MAML2: variants seen among roughly 807,000 people sequenced by gnomAD.
MAML2 encodes mastermind like transcriptional coactivator 2.
A neutral mutation model predicts 96.1 loss-of-function variants in MAML2; 22 were observed. The ratio of observed to expected loss-of-function variants is 0.23; its 90% confidence interval spans 0.16 to 0.33. MAML2 has a LOEUF of 0.33. Ranked by LOEUF, MAML2 falls within the 10% of genes least tolerant of loss-of-function variation. MAML2 has a pLI of 1.00. For synonymous variants in MAML2, 561 were observed against 521.3 expected (o/e 1.08, Z -1.04); for missense variants, 1,367 against 1,392.4 (o/e 0.98, Z 0.29).
intron 1 of MAML2, among the ~76,000 whole-genome samples, chr11:96,226,440 G>A (rs1216052267): frequency 6.6e-6 from 1 of 152,130 alleles, no homozygotes; most frequent in African/African-American, 2.4e-5. Flanking sequence ...CAGGCATGAA[G>A]GACAGTGACA....
At chr11:96,059,192 C>T (rs1257076439) in intron 2 of MAML2, among the ~76,000 whole-genome samples, 2 of 152,172 alleles carry the variant, frequency 1.3e-5, no homozygotes, top group African/African-American at 4.8e-5. Context: ...TAGCTTGGTT[C>T]TCTTTGTCAC....
At chr11:96,298,524 G>GA (rs1211811571) in intron 1 of MAML2, among the ~76,000 whole-genome samples, 1 of 152,136 alleles carries the variant, frequency 6.6e-6, no homozygotes, top group Non-Finnish European at 1.5e-5. Context: ...TTCTTTGTGA[G>GA]GTACATGAGA....
Position 96,240,570 on chromosome 11 carries a change from A to AAAG in MAML2, c.513+100812_513+100813insCTT, listed in dbSNP as rs1405787919. Among the ~76,000 whole-genome samples the AAAG allele has an allele frequency of 1.7e-4, 25 of 146,344 alleles. 2 individuals are homozygous for AAAG. Among genetic ancestry groups the AAAG allele is most frequent in the Non-Finnish European group, 3.0e-4 (20 of 66,424 alleles). ...GAGACTCCGTCTCAAAAAAAAAAAAAAAAAAAAAAAAAAGAAAGCTGATGA... is the reference window on the plus strand; with the variant it reads ...GAGACTCCGTCTCAAAAAAAAAAAAAAAGAAAAAAAAAAAAAGAAAGCTGATGA... On this transcript the variant is annotated intron_variant, in intron 1 of 4. Coordinates refer to ENST00000524717, the MANE Select transcript of MAML2 (RefSeq NM_032427.4).
intron 1 of MAML2, among the ~76,000 whole-genome samples, chr11:96,113,408 G>A (rs1268614026): frequency 6.6e-6 from 1 of 151,962 alleles, no homozygotes; most frequent in African/African-American, 2.4e-5. Context: ...TTTACATTGA[G>A]AATCTCATTA....
At chr11:96,195,841 C>T (rs948979941) in intron 1 of MAML2, among the ~76,000 whole-genome samples, 7 of 152,118 alleles carry the variant, frequency 4.6e-5, no homozygotes, top group East Asian at 1.9e-4. Flanking sequence ...GTAGCAAAAA[C>T]GACATGTTCC....
chr11:95,979,654 A>G lies in MAML2; in HGVS notation c.2765T>C (p.Val922Ala). The G allele has an allele frequency of 6.2e-7, 1 of 1,613,994 alleles. No homozygotes were observed. Among genetic ancestry groups the G allele is most frequent in the South Asian group, 1.1e-5 (1 of 91,076 alleles). Residue 922 changes from valine (V) to alanine (A), a missense_variant, in exon 5 of 5, where the codon GTA becomes GCA. Coordinates refer to ENST00000524717, the MANE Select transcript of MAML2 (RefSeq NM_032427.4). ...AACAGATCCAGCTCCAAAAGTGGCT[A>G]CATTGTTATTATTACTTGGCCCTAA... ...PTLGPSNNNN[V>A]ATFGAGSVGN...
chr11:96,046,636 T>C (rs1004135218), intron 2 of MAML2, among the ~76,000 whole-genome samples: 2 of 152,252 alleles, frequency 1.3e-5, no homozygotes, highest in Non-Finnish European at 2.9e-5. Context: ...CAGAAGGCCC[T>C]GAGGAGGACA....
chr11:96,255,865 CTTTTTTTTTTTTT>C (rs141609329), intron 1 of MAML2, among the ~76,000 whole-genome samples: 1 of 77,918 alleles, frequency 1.3e-5, no homozygotes, highest in Non-Finnish European at 2.3e-5. Flanking sequence ...CCCCCACCGC[CTTTTTTTTTTTTT>C]TTTTTTTTTT....
chr11:96,108,766 C>T (rs539715805), intron 1 of MAML2, among the ~76,000 whole-genome samples: 1 of 152,198 alleles, frequency 6.6e-6, no homozygotes, highest in Admixed American at 6.5e-5. Context: ...GACACAATGG[C>T]TCGTACCTAC....
chr11:96,142,168 A>G (rs2135867425), intron 1 of MAML2, among the ~76,000 whole-genome samples: 1 of 152,300 alleles, frequency 6.6e-6, no homozygotes. Context: ...TATGAGGGGC[A>G]CCTAACCCCT....
chr11:96,213,764 C>T (rs1357411447), intron 1 of MAML2, among the ~76,000 whole-genome samples: 1 of 152,216 alleles, frequency 6.6e-6, no homozygotes, highest in Non-Finnish European at 1.5e-5. Context: ...TGACAGAGCT[C>T]TTTACAGATG....
chr11:96,291,314 C>G (rs1234872003), intron 1 of MAML2, among the ~76,000 whole-genome samples: 1 of 151,776 alleles, frequency 6.6e-6, no homozygotes, highest in Non-Finnish European at 1.5e-5. Context: ...TTAGTAGAAA[C>G]AGGGTTACAC....
intron 1 of MAML2, among the ~76,000 whole-genome samples, chr11:96,314,970 C>T (rs1031688735): frequency 4.6e-5 from 7 of 152,236 alleles, no homozygotes; most frequent in African/African-American, 9.6e-5. Context: ...AAAGGCCAAA[C>T]ATTTGTCCTA....
At chr11:96,074,641 T>A (rs973718298) in intron 2 of MAML2, among the ~76,000 whole-genome samples, 3 of 152,234 alleles carry the variant, frequency 2.0e-5, no homozygotes, top group Non-Finnish European at 2.9e-5. Context: ...ATTGTCTGCA[T>A]CAGGCATGGA....
At chr11:96,263,526 C>T (rs1428766272) in intron 1 of MAML2, among the ~76,000 whole-genome samples, 1 of 152,186 alleles carries the variant, frequency 6.6e-6, no homozygotes, top group African/African-American at 2.4e-5. Context: ...ACACATAGCA[C>T]CTTAAAAGGA....
chr11:96,227,821 G>T (rs1449171786), intron 1 of MAML2, among the ~76,000 whole-genome samples: 3 of 152,186 alleles, frequency 2.0e-5, no homozygotes, highest in African/African-American at 7.2e-5. Flanking sequence ...TACAAACTCG[G>T]CCAGGTGCAG....
At chr11:96,292,167 C>T (rs577779317) in intron 1 of MAML2, among the ~76,000 whole-genome samples, 5 of 152,298 alleles carry the variant, frequency 3.3e-5, no homozygotes, top group Admixed American at 1.3e-4. Flanking sequence ...TAGTTCCTCC[C>T]TCTTCTAGTA....
chr11:96,242,661 A>G (rs1365936876), intron 1 of MAML2, among the ~76,000 whole-genome samples: 2 of 152,046 alleles, frequency 1.3e-5, no homozygotes, highest in South Asian at 2.1e-4. Flanking sequence ...CTTAAAGAGA[A>G]AAAAAAAGTG....
chr11:96,272,852 G>A (rs1862936394), intron 1 of MAML2, among the ~76,000 whole-genome samples: 1 of 152,154 alleles, frequency 6.6e-6, no homozygotes, highest in African/African-American at 2.4e-5. Context: ...TGGGTCTAAA[G>A]TGAAGCAAAA....
Sources: gnomAD v4.1 joint callset for allele counts (sites outside exome capture counted in the v4.1 genomes callset) on GRCh38, gnomAD v4.1.1 for gene constraint, MANE v1.5 for transcripts, NCBI Gene and HGNC (gene_info 2026-07-23, HGNC 2026-07-21) for gene names.